ST6GALNAC1: variants seen among roughly 807,000 people sequenced by gnomAD.
ST6GALNAC1 encodes ST6 N-acetylgalactosaminide alpha-2,6-sialyltransferase 1.
A neutral mutation model predicts 56.8 loss-of-function variants in ST6GALNAC1; 45 were observed. The ratio of observed to expected loss-of-function variants is 0.79; its 90% CI spans 0.62 to 1.02. The LOEUF (loss-of-function observed/expected upper bound fraction) is 1.02, where lower values mean the gene tolerates loss of function less well. Ranked by LOEUF, ST6GALNAC1 falls within the 50% of genes least tolerant of loss-of-function variation. The pLI is 0.00. For synonymous variants in ST6GALNAC1, 295 were observed against 297.8 expected (o/e 0.99, Z 0.10); for missense variants, 743 against 754.8 (o/e 0.98, Z 0.18).
In ST6GALNAC1 at chr17:76,643,723, C is replaced by T. The variant is rs1345403172; in HGVS notation, c.-85G>A. 60 of 1,441,958 alleles carry T rather than the reference C, an allele frequency of 4.2e-5. No individual in the cohort carries two copies. In the South Asian group the frequency reaches 5.0e-4, roughly 12 times the overall value. 89.3% of individuals were successfully genotyped at this position (1,441,958 alleles called of 1,614,324 possible). ...CTGGGAGTCTCACCGCTCAGGTTTC[C>T]TGGCCAGGAAGTGCACACCCTTTGT... On this transcript the variant is annotated 5_prime_UTR_variant, in exon 1 of 9. Transcript: ENST00000156626.
At chr17:76,618,880 G>T in the ST6GALNAC1 span, among the ~76,000 whole-genome samples, 4 of 152,292 alleles carry the variant, frequency 2.6e-5, no homozygotes, top group African/African-American at 9.6e-5. Context: ...GGAGGTGGAG[G>T]TTGCAGTGCG....
chr17:76,618,797 A>G, the ST6GALNAC1 span, among the ~76,000 whole-genome samples: 83 of 135,382 alleles, frequency 6.1e-4, no homozygotes, highest in Non-Finnish European at 1.1e-3. Flanking sequence ...AAAAAAAATT[A>G]GCTGGGCCTG....
chr17:76,617,693 C>T, the ST6GALNAC1 span, among the ~76,000 whole-genome samples: 1 of 151,772 alleles, frequency 6.6e-6, no homozygotes, highest in Admixed American at 6.6e-5. Context: ...GTCACCTGAG[C>T]CCAAGAGGTC....
rs548278905 is a variant in ST6GALNAC1 at position 76,629,201 on chromosome 17, C to T, written c.642G>A (p.Thr214=). 31 of 1,614,114 alleles carry T rather than the reference C, an allele frequency of 1.9e-5. No homozygotes were observed. The highest frequency in any genetic ancestry group is 1.6e-4 in the Middle Eastern group (1 of 6,062). Reference sequence around the variant, plus strand: ...CTGCTGTGGTCACTCCTTTCTGTCTCGTCCTTGTTGACACTGCTCCTGTGG... The same window carrying T: ...CTGCTGTGGTCACTCCTTTCTGTCTTGTCCTTGTTGACACTGCTCCTGTGG... ...LAPTGAVSTR[T]RQKGVTTAVI... The change falls in exon 2 of 9, where the codon ACG becomes ACA. Residue 214 remains threonine (T), a synonymous_variant. Coordinates refer to ENST00000156626, the MANE Select transcript of ST6GALNAC1 (RefSeq NM_018414.5).
Position 76,626,296 on chromosome 17 carries a change from A to G in ST6GALNAC1, c.1408T>C (p.Trp470Arg). ...NQTVMSKNLF[W>R]FRHRPQEAFR... ...CAGGAGGACAGTGGGTACCTGAACC[A>G]GAAAAGGTTTTTTGACATCACCGTC... Residue 470 changes from tryptophan to arginine, a missense_variant, in exon 6 of 9, where the codon TGG becomes CGG. By Grantham distance (101) the Trp-to-Arg change is moderately radical (BLOSUM62 -3). Transcript: ENST00000156626. The G allele has an allele frequency of 1.9e-6, 3 of 1,614,204 alleles. No homozygotes were observed. In the South Asian group the frequency reaches 3.3e-5, roughly 18 times the overall value.
At chr17:76,635,248 G>A (rs1298145563) in intron 1 of ST6GALNAC1, among the ~76,000 whole-genome samples, 1 of 152,174 alleles carries the variant, frequency 6.6e-6, no homozygotes, top group Non-Finnish European at 1.5e-5. Flanking sequence ...ATACTTCAGT[G>A]GCTGGATACA....
Position 76,626,301 on chromosome 17 carries a change from A to G in ST6GALNAC1, c.1403T>C (p.Leu468Pro). 1 of 1,614,144 alleles carries G rather than the reference A, an allele frequency of 6.2e-7. No individual in the cohort carries two copies. ...LMNQTVMSKN[L>P]FWFRHRPQEA... ...GGACAGTGGGTACCTGAACCAGAAA[A>G]GGTTTTTTGACATCACCGTCTGATT... Residue 468 changes from leucine to proline, a missense_variant, in exon 6 of 9, where the codon CTT (leucine) becomes CCT (proline). By Grantham distance (98) the Leu-to-Pro change is moderately conservative. Coordinates refer to ENST00000156626, the MANE Select transcript of ST6GALNAC1 (RefSeq NM_018414.5).
intron 1 of ST6GALNAC1, among the ~76,000 whole-genome samples, chr17:76,632,893 A>G (rs1436516313): frequency 2.6e-5 from 4 of 152,208 alleles, no homozygotes; most frequent in African/African-American, 7.2e-5. Context: ...GTAAAAATAT[A>G]AAATGTTGCA....
chr17:76,622,157 T>C (rs1048534598), downstream of ST6GALNAC1, among the ~76,000 whole-genome samples: 31 of 150,904 alleles, frequency 2.1e-4, no homozygotes, highest in African/African-American at 7.5e-4. Context: ...GAATCATTTT[T>C]ACATCTTTTT....
In ST6GALNAC1 at chr17:76,625,690, T is replaced by A; in HGVS notation, c.1605+129A>T. The A allele has an allele frequency of 2.7e-6, 3 of 1,126,542 alleles. No individual in the cohort carries two copies. In the South Asian group the frequency reaches 4.8e-5, roughly 18 times the overall value. The allele number at this position is 1,126,542 out of a possible 1,614,324, so 69.8% of individuals were successfully genotyped here. A position where few individuals can be genotyped will look rare whatever the true frequency, so the allele number is the denominator to read the frequency against. ...ACGCACGCATAACTGCATGCACCCA[T>A]ACTCATGCCCACCCTCTTTCCCAGC... On this transcript the variant is annotated intron_variant, in intron 8 of 8. Coordinates refer to ENST00000156626, the MANE Select transcript of ST6GALNAC1 (RefSeq NM_018414.5).
At chr17:76,634,811 G>A (rs1290871619) in intron 1 of ST6GALNAC1, among the ~76,000 whole-genome samples, 1 of 152,096 alleles carries the variant, frequency 6.6e-6, no homozygotes, top group African/African-American at 2.4e-5. Flanking sequence ...TTGAACTCGG[G>A]AGGCAGAGGT....
chr17:76,632,171 C>T (rs879493376), intron 1 of ST6GALNAC1, among the ~76,000 whole-genome samples: 1 of 152,156 alleles, frequency 6.6e-6, no homozygotes, highest in Admixed American at 6.6e-5. Context: ...CTTCCCAACC[C>T]CCAGCCTCAA....
Position 76,626,027 on chromosome 17 carries a change from A to C in ST6GALNAC1, c.1484T>G (p.Phe495Cys). 1 of 1,614,112 alleles carries C rather than the reference A, an allele frequency of 6.2e-7. No individual in the cohort carries two copies. Among genetic ancestry groups the C allele is most frequent in the Non-Finnish European group, 8.5e-7 (1 of 1,180,010 alleles). Residue 495 changes from phenylalanine to cysteine, a missense_variant, in exon 7 of 9, where the codon TTT (phenylalanine) becomes TGT (cysteine). Physicochemically the swap from Phe to Cys is radical, Grantham distance 205. Transcript: ENST00000156626. ...MDRYLLLHPDFLRYMKNRFLR... is the reference protein window; with the variant it reads ...MDRYLLLHPDCLRYMKNRFLR... ...TAACCTGTTCTTCATGTATCGGAGA[A>C]AGTCTGGGTGCAGCAACAGGTACCT...
downstream of ST6GALNAC1, among the ~76,000 whole-genome samples, chr17:76,621,821 A>G (rs1175875906): frequency 6.6e-6 from 1 of 152,072 alleles, no homozygotes; most frequent in African/African-American, 2.4e-5. Flanking sequence ...GTCTATAAGT[A>G]CTGCCTACCC....
At chr17:76,620,716 C>T (rs1482203378), downstream of ST6GALNAC1, among the ~76,000 whole-genome samples, 1 of 151,484 alleles carries the variant, frequency 6.6e-6, no homozygotes, top group Non-Finnish European at 1.5e-5. Context: ...GCTGGGACTA[C>T]AGGCGTGTGC....
Position 76,629,246 on chromosome 17 carries a change from A to G in ST6GALNAC1, c.597T>C (p.Ser199=). 6.2e-7 allele frequency: 1 copy of G among 1,614,008 alleles called. No individual in the cohort carries two copies. Among genetic ancestry groups the G allele is most frequent in the Non-Finnish European group, 8.5e-7 (1 of 1,179,994 alleles). ...ATTAKTLIPK[S]QHRMLAPTGA... is the part of the protein sequence containing the mutation. ...CTGTGGGAGCCAGCATTCTGTGCTG[A>G]CTTTTGGGAATGAGCGTCTTGGCTG... Residue 199 remains serine, a synonymous_variant, in exon 2 of 9, where the codon AGT becomes AGC. Transcript: ENST00000156626.
chr17:76,627,137 C>T lies in ST6GALNAC1; in HGVS notation c.1102G>A (p.Val368Met), dbSNP rs1198441225. Residue 368 changes from valine (V) to methionine (M), a missense_variant, in exon 4 of 9, where the codon GTG (valine) becomes ATG (methionine). Physicochemically the swap from Val to Met is conservative, Grantham distance 21 (BLOSUM62 1). Coordinates refer to ENST00000156626, the MANE Select transcript of ST6GALNAC1 (RefSeq NM_018414.5). This position sits in a 1 kb window ranked among gnomAD's most constrained non-coding sequence, Gnocchi z 4.4. Reference protein sequence around the residue: ...GSLRCITCAVVGNGGILNNSH... With the variant: ...GSLRCITCAVMGNGGILNNSH... ...TTGTTCAGGATGCCCCCGTTGCCCA[C>T]CACGGCACAGGTGATGCACCGGAGG... is the stretch of plus-strand genomic sequence containing the variant. 1.2e-6 allele frequency: 2 copies of T among 1,604,564 alleles called. No individual in the cohort carries two copies. The highest frequency in any genetic ancestry group is 2.2e-5 in the South Asian group (2 of 89,720).
rs1322765326 is a variant in ST6GALNAC1, at chr17:76,629,216, T to C, written c.627A>G (p.Ala209=). The change falls in exon 2 of 9, where the codon GCA becomes GCG. Residue 209 remains alanine, a synonymous_variant. Coordinates refer to ENST00000156626, the MANE Select transcript of ST6GALNAC1 (RefSeq NM_018414.5). The part of the protein sequence containing the change: ...SQHRMLAPTG[A]VSTRTRQKGV... Reference sequence around the variant, plus strand: ...CTTTCTGTCTCGTCCTTGTTGACACTGCTCCTGTGGGAGCCAGCATTCTGT... The same window carrying C: ...CTTTCTGTCTCGTCCTTGTTGACACCGCTCCTGTGGGAGCCAGCATTCTGT... 1.2e-6 allele frequency: 2 copies of C among 1,614,082 alleles called. No individual in the cohort carries two copies. Among genetic ancestry groups the C allele is most frequent in the African/African-American group, 2.7e-5 (2 of 74,926 alleles).
rs531716573 is a variant in ST6GALNAC1 at position 76,626,066 on chromosome 17, G to A, written c.1445C>T (p.Ala482Val). The change falls in exon 7 of 9, where the codon GCC becomes GTC. Residue 482 changes from alanine (A) to valine (V), a missense_variant. By Grantham distance (64) the Ala-to-Val change is moderately conservative. Coordinates refer to ENST00000156626, the MANE Select transcript of ST6GALNAC1 (RefSeq NM_018414.5). ...RHRPQEAFRE[A>V]LHMDRYLLLH... The stretch of plus-strand genomic sequence containing the variant: ...CAACAGGTACCTGTCCATGTGCAGG[G>A]CTTCCCGAAAAGCTTCCTGGGGTCT... 1 of 1,614,044 alleles carries A rather than the reference G, an allele frequency of 6.2e-7. No individual in the cohort carries two copies. Among genetic ancestry groups the A allele is most frequent in the African/African-American group, 1.3e-5 (1 of 74,910 alleles).
Sources: allele counts gnomAD v4.1 joint callset (sites outside exome capture counted in the v4.1 genomes callset), GRCh38; gene constraint gnomAD v4.1.1; non-coding constraint Gnocchi (gnomAD v3.1); transcripts MANE v1.5; gene names NCBI Gene and HGNC (gene_info 2026-07-23, HGNC 2026-07-21).